The following TMEM132C variants were observed in gnomAD, a reference collection of about 807,000 sequenced individuals.
The protein encoded by TMEM132C is protein phosphatase 1, regulatory subunit 152.
A neutral mutation model predicts 61.4 loss-of-function variants in TMEM132C; 29 were observed. The ratio of observed to expected loss-of-function variants is 0.47; its 90% CI spans 0.35 to 0.64. TMEM132C has a LOEUF of 0.64. Among genes scored for constraint, TMEM132C ranks in the 30% least tolerant of loss-of-function variants. TMEM132C has a pLI of 0.00. For missense variants in TMEM132C, 1,408 were observed against 1,476.9 expected (o/e 0.95, Z 0.76); for synonymous variants, 656 against 633.1 (o/e 1.04, Z -0.54).
chr12:128,370,517 A>G (rs1873997586), intron 1 of TMEM132C, among the ~76,000 whole-genome samples: 1 of 151,962 alleles, frequency 6.6e-6, no homozygotes, highest in Admixed American at 6.6e-5. Context: ...TAGTGTTTCT[A>G]GAGCCCAGTG....
intron 2 of TMEM132C, among the ~76,000 whole-genome samples, chr12:128,540,756 C>T (rs60638268): frequency 0.074 from 11,285 of 152,168 alleles, 1,394 homozygotes; most frequent in African/African-American, 0.25. Flanking sequence ...TTTCTCCCAT[C>T]GGCAAGTGAG....
rs1013003320 is a variant in TMEM132C at position 128,500,390 on chromosome 12, C to A, written c.975-43567C>A. On this transcript the variant is annotated intron_variant, in intron 2 of 8. Coordinates refer to ENST00000435159, the MANE Select transcript of TMEM132C (RefSeq NM_001136103.3). The stretch of plus-strand genomic sequence containing the variant: ...TTAATTGTTCTTCCAAGAACCCTAT[C>A]AAGAAAGTGAAGAGACAACCTGCAG... Among the ~76,000 whole-genome samples the A allele has an allele frequency of 4.0e-5, 6 of 151,650 alleles. No individual in the cohort carries two copies. In the East Asian group the frequency reaches 1.2e-3, roughly 29 times the overall value.
chr12:128,691,554 G>A (rs879712723), intron 5 of TMEM132C, among the ~76,000 whole-genome samples: 5 of 151,932 alleles, frequency 3.3e-5, no homozygotes, highest in African/African-American at 4.8e-5. Flanking sequence ...CCATCCATCC[G>A]TGCATCCACC....
At chr12:128,394,654 C>T (rs1383912653) in intron 1 of TMEM132C, among the ~76,000 whole-genome samples, 1 of 152,128 alleles carries the variant, frequency 6.6e-6, no homozygotes, top group African/African-American at 2.4e-5. Flanking sequence ...AGGTGCATCA[C>T]CTTTTCTCTT....
At chr12:128,560,096 A>T (rs1565974464) in intron 3 of TMEM132C, among the ~76,000 whole-genome samples, 1 of 152,168 alleles carries the variant, frequency 6.6e-6, no homozygotes, top group Admixed American at 6.5e-5. Context: ...AAAATACAAA[A>T]GTTAGCCAGG....
At chr12:128,304,690 C>T (rs549801631) in intron 1 of TMEM132C, among the ~76,000 whole-genome samples, 13 of 152,224 alleles carry the variant, frequency 8.5e-5, no homozygotes, top group South Asian at 2.1e-4. Context: ...TTTGGGGAGA[C>T]GGCATCCACA....
chr12:128,280,564 G>A (rs550076652), intron 1 of TMEM132C, among the ~76,000 whole-genome samples: 11 of 152,144 alleles, frequency 7.2e-5, no homozygotes, highest in African/African-American at 1.9e-4. Flanking sequence ...TAATGGGGAC[G>A]GACTACTAAT....
chr12:128,582,515 T>C (rs539288828), intron 3 of TMEM132C, among the ~76,000 whole-genome samples: 1 of 151,002 alleles, frequency 6.6e-6, no homozygotes, highest in East Asian at 2.0e-4. Context: ...TGTGCTCCCA[T>C]AATTCCCATG....
At chr12:128,530,376 A>G (rs1873244970) in intron 2 of TMEM132C, among the ~76,000 whole-genome samples, 2 of 152,058 alleles carry the variant, frequency 1.3e-5, no homozygotes. Context: ...TACTCTCACC[A>G]TAGCCAATTT....
chr12:128,427,910 C>A lies in TMEM132C; in HGVS notation c.974+12290C>A, dbSNP rs576587767. 2.6e-5 allele frequency among the ~76,000 whole-genome samples: 4 copies of A among 152,304 alleles called. No homozygotes were observed. The East Asian group carries it at 7.7e-4, about 29-fold the overall frequency. Reference sequence around the variant, plus strand: ...CTTTCTGTTGAATTTTCCAGAGGGACCTTTAAAAGCAGAATTTGCTAGAAC... The same window carrying A: ...CTTTCTGTTGAATTTTCCAGAGGGAACTTTAAAAGCAGAATTTGCTAGAAC... On this transcript the variant is annotated intron_variant, in intron 2 of 8. Transcript: ENST00000435159.
intron 2 of TMEM132C, among the ~76,000 whole-genome samples, chr12:128,519,714 G>A (rs1389779418): frequency 1.3e-5 from 2 of 152,178 alleles, no homozygotes; most frequent in African/African-American, 4.8e-5. Flanking sequence ...CCTAGGGCTG[G>A]GGAAAGAGGC....
At chr12:128,292,015 C>A (rs1329262760) in intron 1 of TMEM132C, among the ~76,000 whole-genome samples, 1 of 152,122 alleles carries the variant, frequency 6.6e-6, no homozygotes, top group Admixed American at 6.5e-5. Context: ...CCCATTGTTC[C>A]TCCTCCCCTA....
At chr12:128,677,505 G>C (rs1401543983) in intron 5 of TMEM132C, among the ~76,000 whole-genome samples, 1 of 152,140 alleles carries the variant, frequency 6.6e-6, no homozygotes. Flanking sequence ...TGGTCCTCAA[G>C]GAGGGGACAC....
At chr12:128,623,278 C>T (rs1953984068) in intron 4 of TMEM132C, among the ~76,000 whole-genome samples, 1 of 152,144 alleles carries the variant, frequency 6.6e-6, no homozygotes, top group Admixed American at 6.5e-5. Context: ...TGAGGGCTAG[C>T]ACTGGCCTTT....
chr12:128,622,468 A>T (rs1484364482), intron 4 of TMEM132C, among the ~76,000 whole-genome samples: 2 of 145,258 alleles, frequency 1.4e-5, no homozygotes, highest in Admixed American at 7.1e-5. Context: ...GGGAGCCGTT[A>T]AGACATCCTG....
rs59699427 is a variant in TMEM132C, at chr12:128,338,757, A to AATATATATATATATATATAT, written c.85+71271_85+71290dup. On this transcript the variant is annotated intron_variant, in intron 1 of 8. Transcript: ENST00000435159. Reference sequence around the variant, plus strand: ...TCCTTTCTTGTTTTCCTTCTGCAGAAATATATATATATATATATATTTTGC... The same window carrying AATATATATATATATATATAT: ...TCCTTTCTTGTTTTCCTTCTGCAGAAATATATATATATATATATATATATATATATATATATATATTTTGC... Among the ~76,000 whole-genome samples, 440 of 138,590 alleles carry AATATATATATATATATATAT rather than the reference A, an allele frequency of 3.2e-3. 21 individuals are homozygous for AATATATATATATATATATAT. The highest frequency in any genetic ancestry group is 0.013 in the African/African-American group (410 of 31,348). 90.9% of individuals were successfully genotyped at this position (138,590 alleles called of 152,430 possible). A position where few individuals can be genotyped will look rare whatever the true frequency, so the allele number is the denominator to read the frequency against.
At chr12:128,325,332 A>G (rs1164095260) in intron 1 of TMEM132C, among the ~76,000 whole-genome samples, 1 of 152,202 alleles carries the variant, frequency 6.6e-6, no homozygotes, top group African/African-American at 2.4e-5. Flanking sequence ...AAATTGGGCC[A>G]TGACAGAAAG....
intron 1 of TMEM132C, among the ~76,000 whole-genome samples, chr12:128,346,121 T>C (rs935014627): frequency 6.6e-6 from 1 of 152,216 alleles, no homozygotes; most frequent in African/African-American, 2.4e-5. Context: ...CCCCTGCATA[T>C]GGCTAGCCAC....
chr12:128,449,988 G>A (rs1017450911), intron 2 of TMEM132C, among the ~76,000 whole-genome samples: 2 of 152,208 alleles, frequency 1.3e-5, no homozygotes, highest in African/African-American at 4.8e-5. Context: ...AGCCTGCCTA[G>A]AGAGGGATGT....
Sources: allele counts gnomAD v4.1 joint callset (sites outside exome capture counted in the v4.1 genomes callset), GRCh38; gene constraint gnomAD v4.1.1; transcripts MANE v1.5; gene names NCBI Gene and HGNC (gene_info 2026-07-23, HGNC 2026-07-21).